NDST4: variants seen among roughly 807,000 people sequenced by gnomAD.
NDST4 encodes N-heparan sulfate sulfotransferase 4.
A neutral mutation model predicts 100.8 loss-of-function variants in NDST4; 63 were observed. The ratio of observed to expected loss-of-function variants is 0.62; its 90% CI spans 0.51 to 0.77. The LOEUF (loss-of-function observed/expected upper bound fraction) is 0.77. Among genes scored for constraint, NDST4 ranks in the 30% least tolerant of loss-of-function variants. The pLI, the probability that NDST4 is intolerant of heterozygous loss-of-function variation, is 0.00. For missense variants in NDST4, 943 were observed against 1,018.4 expected (o/e 0.93, Z 1.01); for synonymous variants, 377 against 361.8 (o/e 1.04, Z -0.48).
At chr4:114,906,554 C>T (rs1364319982) in intron 6 of NDST4, among the ~76,000 whole-genome samples, 1 of 151,880 alleles carries the variant, frequency 6.6e-6, no homozygotes, top group Non-Finnish European at 1.5e-5. Context: ...ACCACCAACT[C>T]AAAATATATA....
intron 12 of NDST4, among the ~76,000 whole-genome samples, chr4:114,832,879 A>G (rs548213573): frequency 1.3e-5 from 2 of 152,264 alleles, no homozygotes; most frequent in South Asian, 4.1e-4. Context: ...CAACCCACTG[A>G]TCTCAGCCTT....
chr4:115,028,056 G>A (rs984154353), intron 2 of NDST4, among the ~76,000 whole-genome samples: 6 of 148,392 alleles, frequency 4.0e-5, no homozygotes, highest in South Asian at 2.1e-4. Flanking sequence ...GTAAAACTCC[G>A]TCTAAAAAAA....
At chr4:114,846,504 C>T (rs932959553) in intron 9 of NDST4, among the ~76,000 whole-genome samples, 2 of 152,082 alleles carry the variant, frequency 1.3e-5, no homozygotes, top group African/African-American at 4.8e-5. Flanking sequence ...TTAATTTCTT[C>T]GTAATTTGTA....
intron 4 of NDST4, among the ~76,000 whole-genome samples, chr4:114,961,895 T>C (rs765336068): frequency 1.9e-4 from 29 of 151,972 alleles, no homozygotes; most frequent in Non-Finnish European, 4.0e-4. Flanking sequence ...GAAAAAGAAA[T>C]GTGCAGACCA....
intron 1 of NDST4, among the ~76,000 whole-genome samples, chr4:115,086,326 A>G (rs1729409508): frequency 6.6e-6 from 1 of 152,110 alleles, no homozygotes; most frequent in Non-Finnish European, 1.5e-5. Flanking sequence ...GTACAAAGTA[A>G]TGAGTAATTG....
chr4:114,894,670 A>G (rs1455069889), intron 6 of NDST4, among the ~76,000 whole-genome samples: 6 of 152,178 alleles, frequency 3.9e-5, no homozygotes, highest in African/African-American at 1.4e-4. Flanking sequence ...TAAATACACA[A>G]TCATGTCATC....
intron 4 of NDST4, among the ~76,000 whole-genome samples, chr4:114,944,947 T>C (rs577902034): frequency 2.6e-5 from 4 of 151,984 alleles, no homozygotes; most frequent in South Asian, 2.1e-4. Flanking sequence ...TGGTGGCCCA[T>C]GCCTGTAATC....
At chr4:115,072,575 C>T (rs533969634) in intron 2 of NDST4, among the ~76,000 whole-genome samples, 2 of 151,856 alleles carry the variant, frequency 1.3e-5, no homozygotes, top group African/African-American at 4.8e-5. Context: ...TTTCTAAGAA[C>T]GGACAATGGG....
intron 10 of NDST4, among the ~76,000 whole-genome samples, chr4:114,839,750 C>T (rs192316569): frequency 1.3e-5 from 2 of 152,042 alleles, no homozygotes; most frequent in East Asian, 1.9e-4. Context: ...GAATGACAAC[C>T]GTATACATTG....
chr4:114,919,276 G>T (rs1428220133), intron 6 of NDST4, among the ~76,000 whole-genome samples: 1 of 152,100 alleles, frequency 6.6e-6, no homozygotes, highest in Non-Finnish European at 1.5e-5. Flanking sequence ...ATGAAGGTGG[G>T]GAATGAAAGT....
chr4:115,106,279 C>T (rs1729832227), intron 1 of NDST4, among the ~76,000 whole-genome samples: 1 of 152,020 alleles, frequency 6.6e-6, no homozygotes. Flanking sequence ...GATGTTGACA[C>T]TATGGTTCTG....
At chr4:114,831,628 T>G (rs1578331396) in intron 12 of NDST4, among the ~76,000 whole-genome samples, 1 of 152,140 alleles carries the variant, frequency 6.6e-6, no homozygotes, top group Non-Finnish European at 1.5e-5. Flanking sequence ...TGGGCTGTGG[T>G]CTCTCCTTGT....
chr4:115,052,951 G>A (rs929963551), intron 2 of NDST4, among the ~76,000 whole-genome samples: 10 of 152,080 alleles, frequency 6.6e-5, no homozygotes, highest in African/African-American at 1.4e-4. Flanking sequence ...CACAACAAAC[G>A]TAAACCACGT....
chr4:114,889,889 G>T (rs971068889), intron 6 of NDST4, among the ~76,000 whole-genome samples: 3 of 152,118 alleles, frequency 2.0e-5, no homozygotes, highest in Admixed American at 6.6e-5. Context: ...ATAACTCTCT[G>T]CTGTGAGCAG....
chr4:115,109,511 A>C (rs1467379405), intron 1 of NDST4, among the ~76,000 whole-genome samples: 1 of 152,002 alleles, frequency 6.6e-6, no homozygotes, highest in African/African-American at 2.4e-5. Context: ...TTCTAAACAG[A>C]GTACAAATTG....
At chr4:115,029,015 T>C (rs189215042) in intron 2 of NDST4, among the ~76,000 whole-genome samples, 100 of 152,098 alleles carry the variant, frequency 6.6e-4, no homozygotes, top group Middle Eastern at 3.4e-3. Flanking sequence ...TTACCAGAAT[T>C]GGAAGAAAAA....
intron 4 of NDST4, among the ~76,000 whole-genome samples, chr4:114,944,740 A>G (rs1725823616): frequency 6.7e-6 from 1 of 149,216 alleles, no homozygotes; most frequent in South Asian, 2.1e-4. Flanking sequence ...CATGCATTGC[A>G]GTGCTCCTTT....
intron 3 of NDST4, among the ~76,000 whole-genome samples, chr4:114,974,022 T>G (rs980678297): frequency 6.6e-6 from 1 of 151,948 alleles, no homozygotes; most frequent in African/African-American, 2.4e-5. Context: ...ATTTACTTTT[T>G]GATAATATTT....
At chr4:114,844,599 G>T in intron 10 of NDST4, among the ~76,000 whole-genome samples, 1 of 152,104 alleles carries the variant, frequency 6.6e-6, no homozygotes, top group South Asian at 2.1e-4. Context: ...TGCTTTCAGA[G>T]AACCTTTACA....
Sources: gnomAD v4.1 joint callset for allele counts (sites outside exome capture counted in the v4.1 genomes callset) on GRCh38, gnomAD v4.1.1 for gene constraint, MANE v1.5 for transcripts, NCBI Gene and HGNC (gene_info 2026-07-23, HGNC 2026-07-21) for gene names.